SPATA18: variants seen among roughly 807,000 people sequenced by gnomAD.
The protein encoded by SPATA18 is spermatogenesis associated 18, also known as mitochondria-eating protein.
Under a neutral mutation model 68.1 loss-of-function variants are expected in SPATA18, and 54 were observed. That is an observed-to-expected ratio of 0.79 (90% confidence interval 0.64 to 0.99). The LOEUF is 0.99. Ranked by LOEUF, SPATA18 falls within the 50% of genes least tolerant of loss-of-function variation. The pLI, the probability that SPATA18 is intolerant of heterozygous loss-of-function variation, is 0.00. For missense variants in SPATA18, 724 were observed against 681.1 expected (o/e 1.06, Z -0.70); for synonymous variants, 242 against 244.8 (o/e 0.99, Z 0.11).
At chr4:52,062,818 G>C (rs1456483585) in intron 4 of SPATA18, among the ~76,000 whole-genome samples, 2 of 152,198 alleles carry the variant, frequency 1.3e-5, no homozygotes, top group Non-Finnish European at 2.9e-5. Flanking sequence ...GTGTATGTGT[G>C]CTTCTCTGAA....
intron 10 of SPATA18, chr4:52,082,848 T>C: frequency 1.0e-6 from 1 of 985,400 alleles, no homozygotes; most frequent in South Asian, 4.7e-5. Flanking sequence ...TCCTAAGCAC[T>C]TAAAATCAAT....
At chr4:52,063,256 T>C (rs1739042177) in intron 4 of SPATA18, among the ~76,000 whole-genome samples, 1 of 152,242 alleles carries the variant, frequency 6.6e-6, no homozygotes, top group African/African-American at 2.4e-5. Context: ...GAAATCTCTA[T>C]TGATTTAGTT....
rs748191845 is a variant in SPATA18 at position 52,069,921 on chromosome 4, G to GA, written c.518+12dup. The GA allele has an allele frequency of 5.1e-6, 8 of 1,579,340 alleles. No homozygotes were observed. The highest frequency in any genetic ancestry group is 4.5e-5 in the East Asian group (2 of 44,354). On this transcript the variant is annotated splice_donor_region_variant and intron_variant, in intron 5 of 12. Coordinates refer to ENST00000295213, the MANE Select transcript of SPATA18 (RefSeq NM_145263.4). ...AATAAATCAGCTGAAAAAGCAGTAA[G>GA]AAAAAAATTACAGGATTATTGCAGC...
intron 6 of SPATA18, among the ~76,000 whole-genome samples, chr4:52,073,539 G>C (rs780997133): frequency 2.0e-5 from 3 of 152,130 alleles, no homozygotes; most frequent in African/African-American, 4.8e-5. Flanking sequence ...GGGAGGTTGT[G>C]GTGGGGAAGA....
At position 52,066,382 on chromosome 4, in the gene SPATA18, C is replaced by A. The variant is rs1739315920; in HGVS notation, c.423-3439C>A. On this transcript the variant is annotated intron_variant, in intron 4 of 12. Transcript: ENST00000295213. The stretch of plus-strand genomic sequence containing the variant: ...AGCCAGGATGGTCTCGATCTCCTGA[C>A]CTCATGATCCGCCCACCTCAGCCTC... 2.0e-5 allele frequency among the ~76,000 whole-genome samples: 3 copies of A among 152,278 alleles called. No individual in the cohort carries two copies. In the South Asian group the frequency reaches 6.2e-4, roughly 32 times the overall value.
At chr4:52,060,970 G>A (rs1463522073) in intron 3 of SPATA18, 73 bp downstream of exon 3, 4 of 1,232,122 alleles carry the variant, frequency 3.2e-6, no homozygotes, top group Non-Finnish European at 4.7e-6. Flanking sequence ...TCCAAGAGAA[G>A]AAGAGGACTT....
intron 6 of SPATA18, among the ~76,000 whole-genome samples, chr4:52,073,711 C>A (rs1374861069): frequency 6.6e-6 from 1 of 152,192 alleles, no homozygotes; most frequent in African/African-American, 2.4e-5. Flanking sequence ...TTTGAAGCTG[C>A]AGTGAGCTAT....
chr4:52,057,704 G>C (rs1286408954), intron 1 of SPATA18, among the ~76,000 whole-genome samples: 17 of 152,192 alleles, frequency 1.1e-4, no homozygotes, highest in Admixed American at 1.1e-3. Context: ...GAATGCAGCT[G>C]ATAAGTTGAG....
rs143128475 is a variant in SPATA18, at chr4:52,061,048, A to T, written c.309+151A>T. 805 of 668,284 alleles carry T rather than the reference A, an allele frequency of 1.2e-3. 4 individuals carry two copies. In the African/African-American group the frequency reaches 0.013, roughly 11 times the overall value. 41.4% of individuals were successfully genotyped at this position (668,284 alleles called of 1,614,324 possible). A position where few individuals can be genotyped will look rare whatever the true frequency, so the allele number is the denominator to read the frequency against. ...TTGGTGGTTTCCATGGGACGGTGTT[A>T]GTTTTTGAACAGGTAGAGATCAGAC... On this transcript the variant is annotated intron_variant, in intron 3 of 12. Coordinates refer to ENST00000295213, the MANE Select transcript of SPATA18 (RefSeq NM_145263.4).
intron 3 of SPATA18, among the ~76,000 whole-genome samples, chr4:52,061,455 A>G (rs919015467): frequency 6.6e-6 from 1 of 150,854 alleles, no homozygotes; most frequent in African/African-American, 2.4e-5. Flanking sequence ...AAACCTGCAC[A>G]TTGTGCATGT....
At chr4:52,082,364 C>CTT in intron 9 of SPATA18, 23 bp from the exon 10 acceptor site, 1 of 1,607,278 alleles carries the variant, frequency 6.2e-7, no homozygotes, top group South Asian at 1.1e-5. Context: ...ACTTCTCTTT[C>CTT]TTTTTTTGTA....
In SPATA18 at chr4:52,082,493, A is replaced by C. The variant is rs749694792; in HGVS notation, c.1462A>C (p.Thr488Pro). The C allele has an allele frequency of 1.2e-5, 19 of 1,614,018 alleles. No homozygotes were observed. The highest frequency in any genetic ancestry group is 3.3e-4 in the Middle Eastern group (2 of 6,084). The change falls in exon 10 of 13, where the codon ACC becomes CCC. Residue 488 changes from threonine (T) to proline (P), a missense_variant. Coordinates refer to ENST00000295213, the MANE Select transcript of SPATA18 (RefSeq NM_145263.4). ...TGTCATTATGAAGGGAGAAGCTGTC[A>C]CCAGGAGAGGGGCTTTTGTACGGTG... ...DCVIMKGEAV[T>P]RRGAFWNSVR...
Position 52,094,992 on chromosome 4 carries a change from C to A in SPATA18, c.*105C>A. On this transcript the variant is annotated 3_prime_UTR_variant, in exon 13 of 13. Coordinates refer to ENST00000295213, the MANE Select transcript of SPATA18 (RefSeq NM_145263.4). ...CCTCAGACCTCACTTAAGATAATGT[C>A]AAAAGGCAATTCTGTGTATCACCCC... 7.2e-7 allele frequency: 1 copy of A among 1,397,658 alleles called. No individual in the cohort carries two copies. Among genetic ancestry groups the A allele is most frequent in the Non-Finnish European group, 1.0e-6 (1 of 984,888 alleles). The allele number at this position is 1,397,658 out of a possible 1,614,324, so 86.6% of individuals were successfully genotyped here. A position where few individuals can be genotyped will look rare whatever the true frequency, so the allele number is the denominator to read the frequency against.
chr4:52,078,781 A>T lies in SPATA18; in HGVS notation c.1067A>T (p.His356Leu), dbSNP rs746128040. The change falls in exon 8 of 13, where the codon CAT (histidine) becomes CTT (leucine). Residue 356 changes from histidine (H) to leucine (L), a missense_variant. Transcript: ENST00000295213. The stretch of plus-strand genomic sequence containing the variant: ...ATGGCATTCAGACACTTCAAGATCC[A>T]TGTGAGAAAATCGTTGACACCATCT... ...AKMAFRHFKIHVRKSLTPSYV... is the reference protein window; with the variant it reads ...AKMAFRHFKILVRKSLTPSYV... 3 of 1,606,748 alleles carry T rather than the reference A, an allele frequency of 1.9e-6. No homozygotes were observed. Among genetic ancestry groups the T allele is most frequent in the South Asian group, 2.2e-5 (2 of 90,532 alleles).
chr4:52,058,171 T>C (rs1301041593), intron 1 of SPATA18, among the ~76,000 whole-genome samples: 1 of 152,266 alleles, frequency 6.6e-6, no homozygotes, highest in Non-Finnish European at 1.5e-5. Context: ...CTCTATCATG[T>C]CAACATTACA....
At chr4:52,083,080 C>A (rs942671134) in intron 10 of SPATA18, 1 of 890,210 alleles carries the variant, frequency 1.1e-6, no homozygotes, top group African/African-American at 2.3e-5. Context: ...ATGTTAAATA[C>A]TTGAACAGCC....
At chr4:52,067,453 C>A (rs577457321) in intron 4 of SPATA18, among the ~76,000 whole-genome samples, 1 of 152,262 alleles carries the variant, frequency 6.6e-6, no homozygotes, top group East Asian at 1.9e-4. Flanking sequence ...CCTGATCTGG[C>A]TGTATTTCTG....
chr4:52,070,803 A>G (rs1023545120), intron 5 of SPATA18, among the ~76,000 whole-genome samples: 3 of 152,210 alleles, frequency 2.0e-5, no homozygotes, highest in Admixed American at 2.0e-4. Context: ...AGATAAATAA[A>G]AACAGCAATC....
chr4:52,060,742 T>C (rs766532432), intron 2 of SPATA18, 40 bp from the exon 3 acceptor site: 20 of 1,534,666 alleles, frequency 1.3e-5, no homozygotes, highest in Non-Finnish European at 1.7e-5. Context: ...TGTGCCATGT[T>C]GGTGTGCTGC....
Sources: gnomAD v4.1 joint callset for allele counts (sites outside exome capture counted in the v4.1 genomes callset) on GRCh38, gnomAD v4.1.1 for gene constraint, MANE v1.5 for transcripts, NCBI Gene and HGNC (gene_info 2026-07-23, HGNC 2026-07-21) for gene names.